The following ADAMTSL3 variants were observed in gnomAD, a reference collection of about 807,000 sequenced individuals.
ADAMTSL3 encodes the protein ADAMTS-like protein 3.
A neutral mutation model predicts 201.7 loss-of-function variants in ADAMTSL3; 128 were observed. The observed-to-expected ratio is 0.63, with a 90% confidence interval of 0.55 to 0.73. ADAMTSL3 has a LOEUF of 0.73. Ranked by LOEUF, ADAMTSL3 falls within the 30% of genes least tolerant of loss-of-function variation. ADAMTSL3 has a pLI of 0.00. For missense variants in ADAMTSL3, 1,990 were observed against 2,119.6 expected (o/e 0.94, Z 1.20); for synonymous variants, 738 against 748.4 (o/e 0.99, Z 0.23).
At chr15:83,846,727 C>G (rs144992226) in intron 7 of ADAMTSL3, among the ~76,000 whole-genome samples, 1 of 152,296 alleles carries the variant, frequency 6.6e-6, no homozygotes, top group African/African-American at 2.4e-5. Context: ...CTGGTGCATG[C>G]CTTTGGTTAA....
chr15:83,683,872 A>G (rs1252230021), intron 2 of ADAMTSL3, among the ~76,000 whole-genome samples: 3 of 152,160 alleles, frequency 2.0e-5, no homozygotes, highest in Admixed American at 6.5e-5. Context: ...TTTTTCCCTA[A>G]GACATCTTAA....
At chr15:83,826,095 T>G (rs1007318634) in intron 6 of ADAMTSL3, among the ~76,000 whole-genome samples, 3 of 152,032 alleles carry the variant, frequency 2.0e-5, no homozygotes, top group African/African-American at 7.3e-5. Flanking sequence ...GGAGACAAAT[T>G]CTAAAGATTA....
chr15:83,686,792 T>C (rs2061542433), intron 2 of ADAMTSL3, among the ~76,000 whole-genome samples: 1 of 152,170 alleles, frequency 6.6e-6, no homozygotes, highest in Non-Finnish European at 1.5e-5. Flanking sequence ...TCAGAACTTT[T>C]AGGGAAGTAA....
At chr15:83,887,118 C>T (rs576784686) in intron 10 of ADAMTSL3, among the ~76,000 whole-genome samples, 16 of 152,258 alleles carry the variant, frequency 1.1e-4, no homozygotes, top group African/African-American at 3.9e-4. Context: ...CCACCACAGA[C>T]CTACTGAGTC....
chr15:83,833,253 T>C (rs1477744382), intron 6 of ADAMTSL3, among the ~76,000 whole-genome samples: 1 of 152,062 alleles, frequency 6.6e-6, no homozygotes, highest in African/African-American at 2.4e-5. Flanking sequence ...AGAAATTTAT[T>C]TTTTACAGTT....
intron 23 of ADAMTSL3, among the ~76,000 whole-genome samples, chr15:84,013,734 C>T (rs1470080699): frequency 3.3e-5 from 5 of 152,196 alleles, no homozygotes; most frequent in African/African-American, 1.2e-4. Flanking sequence ...TGCCACTGCA[C>T]TCCAGGCTAG....
intron 15 of ADAMTSL3, among the ~76,000 whole-genome samples, chr15:83,906,552 A>C (rs115298071): frequency 0.015 from 2,322 of 151,190 alleles, 61 homozygotes; most frequent in African/African-American, 0.05. Flanking sequence ...GCTAACAGTA[A>C]ATGTGGTTGA....
At chr15:83,883,203 C>T (rs1452887990) in intron 9 of ADAMTSL3, among the ~76,000 whole-genome samples, 1 of 151,554 alleles carries the variant, frequency 6.6e-6, no homozygotes, top group Non-Finnish European at 1.5e-5. Flanking sequence ...GATGCAGTCT[C>T]ACTCTGTTGC....
intron 23 of ADAMTSL3, among the ~76,000 whole-genome samples, chr15:84,002,688 C>T (rs1032174591): frequency 1.3e-5 from 2 of 152,032 alleles, no homozygotes; most frequent in African/African-American, 2.4e-5. Flanking sequence ...ACCTGTTCCC[C>T]GTCCCCCAAC....
At chr15:83,912,096 CAA>C (rs891319837) in intron 15 of ADAMTSL3, among the ~76,000 whole-genome samples, 51 of 152,250 alleles carry the variant, frequency 3.3e-4, no homozygotes, top group African/African-American at 1.2e-3. Flanking sequence ...TCTCAAGATA[CAA>C]AGTGTTTTTT....
At chr15:83,715,383 A>G (rs1482421857) in intron 3 of ADAMTSL3, among the ~76,000 whole-genome samples, 2 of 152,244 alleles carry the variant, frequency 1.3e-5, no homozygotes, top group Admixed American at 1.3e-4. Context: ...ATACATGAAT[A>G]CATTTGGATT....
At chr15:83,847,937 C>T (rs1033798490) in intron 7 of ADAMTSL3, among the ~76,000 whole-genome samples, 2 of 150,478 alleles carry the variant, frequency 1.3e-5, no homozygotes, top group African/African-American at 4.9e-5. Context: ...AAAATAAAAC[C>T]TATTTTTTTT....
At chr15:83,973,814 C>T (rs539452548) in intron 20 of ADAMTSL3, among the ~76,000 whole-genome samples, 2 of 152,258 alleles carry the variant, frequency 1.3e-5, no homozygotes, top group Middle Eastern at 3.4e-3. Flanking sequence ...GAAGGGGGTC[C>T]GTAGACAAGA....
chr15:83,667,372 C>T (rs1202682032), intron 2 of ADAMTSL3, among the ~76,000 whole-genome samples: 4 of 152,086 alleles, frequency 2.6e-5, no homozygotes, highest in Non-Finnish European at 5.9e-5. Context: ...AAAAAGTTCT[C>T]TTGTCTTAAA....
At chr15:83,672,326 C>T (rs1311361828) in intron 2 of ADAMTSL3, among the ~76,000 whole-genome samples, 1 of 152,180 alleles carries the variant, frequency 6.6e-6, no homozygotes. Context: ...ATAAGCAAAG[C>T]TTGCTGGTGC....
chr15:83,875,790 A>C (rs1252730630), intron 9 of ADAMTSL3, among the ~76,000 whole-genome samples: 2 of 152,128 alleles, frequency 1.3e-5, no homozygotes, highest in Non-Finnish European at 2.9e-5. Flanking sequence ...TCAAAAAATA[A>C]AATAAAATAA....
At chr15:83,985,847 C>T (rs2067465112) in intron 21 of ADAMTSL3, among the ~76,000 whole-genome samples, 1 of 152,132 alleles carries the variant, frequency 6.6e-6, no homozygotes, top group Non-Finnish European at 1.5e-5. Flanking sequence ...CCAGGTTGGT[C>T]TTGAACTCCT....
intron 8 of ADAMTSL3, among the ~76,000 whole-genome samples, chr15:83,861,170 C>T (rs1206745915): frequency 6.6e-6 from 1 of 152,098 alleles, no homozygotes; most frequent in Non-Finnish European, 1.5e-5. Flanking sequence ...ACCTACTCCA[C>T]CTAGGGGTGC....
intron 3 of ADAMTSL3, among the ~76,000 whole-genome samples, chr15:83,757,459 G>A (rs2141692076): frequency 2.2e-5 from 3 of 136,196 alleles, no homozygotes; most frequent in South Asian, 4.5e-4. Context: ...TGAGATGCAG[G>A]GCACCAAGTC....
Sources: allele counts gnomAD v4.1 joint callset (sites outside exome capture counted in the v4.1 genomes callset), GRCh38; gene constraint gnomAD v4.1.1; transcripts MANE v1.5; gene names NCBI Gene and HGNC (gene_info 2026-07-23, HGNC 2026-07-21).